PLA2R1: variants seen among roughly 807,000 people sequenced by gnomAD.
The protein encoded by PLA2R1 is secretory phospholipase A2 receptor.
A neutral mutation model predicts 195.9 loss-of-function variants in PLA2R1; 158 were observed. The observed-to-expected ratio is 0.81, with a 90% CI of 0.71 to 0.92. The LOEUF (loss-of-function observed/expected upper bound fraction) is 0.92. Ranked by LOEUF, PLA2R1 falls within the 40% of genes least tolerant of loss-of-function variation. The pLI is 0.00. For missense variants in PLA2R1, 1,626 were observed against 1,764.6 expected (o/e 0.92, Z 1.41); for synonymous variants, 586 against 598.2 (o/e 0.98, Z 0.30).
chr2:160,005,540 T>C (rs1691920734), intron 11 of PLA2R1, 112 bp downstream of exon 11: 4 of 767,364 alleles, frequency 5.2e-6, no homozygotes, highest in Non-Finnish European at 8.5e-6. Flanking sequence ...TTGTAATTGA[T>C]TTAGGCATTA....
intron 1 of PLA2R1, among the ~76,000 whole-genome samples, chr2:160,059,608 T>A (rs1038097450): frequency 5.9e-5 from 9 of 152,202 alleles, no homozygotes; most frequent in Admixed American, 1.3e-4. Context: ...AACTACTATA[T>A]AATACTGTAT....
chr2:159,968,102 T>C (rs1337971754), intron 19 of PLA2R1, among the ~76,000 whole-genome samples: 1 of 152,138 alleles, frequency 6.6e-6, no homozygotes, highest in Non-Finnish European at 1.5e-5. Flanking sequence ...TATAATAATT[T>C]AGAAAAATTA....
At chr2:160,054,413 G>C (rs1695409309) in intron 1 of PLA2R1, among the ~76,000 whole-genome samples, 1 of 152,096 alleles carries the variant, frequency 6.6e-6, no homozygotes, top group African/African-American at 2.4e-5. Flanking sequence ...GAATATGAAT[G>C]GTGCCAAAGA....
At position 159,955,945 on chromosome 2, in the gene PLA2R1, A is replaced by C. The variant is rs912598525; in HGVS notation, c.3023-117T>G. On this transcript the variant is annotated intron_variant, in intron 21 of 29. Transcript: ENST00000283243. ...TGCCAGCAAAACATAATTATGAATC[A>C]TTTATAGGAATTTGTTACTTTATCC... 1.4e-5 allele frequency: 8 copies of C among 566,340 alleles called. 1 individual carries two copies. Among genetic ancestry groups the C allele is most frequent in the Non-Finnish European group, 2.1e-5 (7 of 332,060 alleles). The allele number at this position is 566,340 out of a possible 1,614,324, so 35.1% of individuals were successfully genotyped here.
intron 1 of PLA2R1, among the ~76,000 whole-genome samples, chr2:160,046,177 G>A (rs1694855372): frequency 3.3e-5 from 5 of 152,228 alleles, no homozygotes. Context: ...TGGGCACATG[G>A]TGGAAATTCA....
At chr2:160,059,642 T>C (rs1695820931) in intron 1 of PLA2R1, among the ~76,000 whole-genome samples, 1 of 152,138 alleles carries the variant, frequency 6.6e-6, no homozygotes, top group South Asian at 2.1e-4. Flanking sequence ...AATACAGAAT[T>C]GTATTACTCC....
At chr2:159,961,784 G>A (rs370169508) in intron 20 of PLA2R1, among the ~76,000 whole-genome samples, 28 of 152,298 alleles carry the variant, frequency 1.8e-4, no homozygotes, top group African/African-American at 6.5e-4. Flanking sequence ...GGATGGAGGT[G>A]AACTGTGTGG....
At chr2:159,930,917 A>T (rs954445191), downstream of PLA2R1, among the ~76,000 whole-genome samples, 4 of 152,160 alleles carry the variant, frequency 2.6e-5, no homozygotes, top group East Asian at 7.7e-4. Flanking sequence ...ATCAAGTTCC[A>T]ATCTGACAGG....
chr2:159,983,781 A>G, intron 13 of PLA2R1, 147 bp downstream of exon 13: 1 of 498,302 alleles, frequency 2.0e-6, no homozygotes, highest in Non-Finnish European at 3.6e-6. Flanking sequence ...ATAAACATAA[A>G]ACTATATGTA....
At position 159,945,023 on chromosome 2, in the gene PLA2R1, T is replaced by A; in HGVS notation, c.4027A>T (p.Lys1343Ter). 1 of 1,613,756 alleles carries A rather than the reference T, an allele frequency of 6.2e-7. No individual in the cohort carries two copies. The highest frequency in any genetic ancestry group is 8.5e-7 in the Non-Finnish European group (1 of 1,179,796). The stretch of plus-strand genomic sequence containing the variant: ...GGCTTGAAGTAGTCTGTGTCTGGCT[T>A]CCGAATGCCCCAGTTTGACTGGTCT... ...PTDQSNWGIRKPDTDYFKPHH... is the reference protein window; with the variant it reads ...PTDQSNWGIR Residue 1343 changes from lysine to a stop codon, truncating the protein, a stop_gained, in exon 28 of 30, where the codon AAG (lysine) becomes TAG (stop). Coordinates refer to ENST00000283243, the MANE Select transcript of PLA2R1 (RefSeq NM_007366.5). LOFTEE classifies it high-confidence loss of function.
At chr2:159,986,590 T>C (rs1690356222) in intron 12 of PLA2R1, among the ~76,000 whole-genome samples, 1 of 123,740 alleles carries the variant, frequency 8.1e-6, no homozygotes, top group Non-Finnish European at 1.8e-5. Flanking sequence ...TTTTCTTTCC[T>C]TTTTTTTTTT....
In PLA2R1 at chr2:159,934,871, C is replaced by G. The variant is rs948839562; in HGVS notation, c.*6907G>C. On this transcript the variant is annotated 3_prime_UTR_variant, in exon 30 of 30. Coordinates refer to ENST00000283243, the MANE Select transcript of PLA2R1 (RefSeq NM_007366.5). ...AACCATAGACTTTATTTTACTTTCC[C>G]ATTTTCCCATAATGACCATTTTCTG... is the stretch of plus-strand genomic sequence containing the variant. The G allele has an allele frequency of 3.9e-5, 6 of 152,140 alleles. No homozygotes were observed. Among genetic ancestry groups the G allele is most frequent in the African/African-American group, 1.4e-4 (6 of 41,416 alleles). The allele number at this position is 152,140 out of a possible 1,614,324, so 9.4% of individuals were successfully genotyped here.
At chr2:160,049,684 G>C (rs1314267553) in intron 1 of PLA2R1, among the ~76,000 whole-genome samples, 4 of 152,084 alleles carry the variant, frequency 2.6e-5, no homozygotes, top group African/African-American at 9.7e-5. Flanking sequence ...AAATTAGCTG[G>C]GCGTGGTGGT....
intron 6 of PLA2R1, among the ~76,000 whole-genome samples, chr2:160,025,476 G>A (rs1450549975): frequency 6.6e-6 from 1 of 151,642 alleles, no homozygotes; most frequent in Non-Finnish European, 1.5e-5. Flanking sequence ...TTTAACTATT[G>A]GGGGTAGGGT....
chr2:159,979,925 A>C lies in PLA2R1; in HGVS notation c.2184-11T>G. 6.6e-7 allele frequency: 1 copy of C among 1,514,574 alleles called. No individual in the cohort carries two copies. The highest frequency in any genetic ancestry group is 9.1e-7 in the Non-Finnish European group (1 of 1,096,828). 93.8% of individuals were successfully genotyped at this position (1,514,574 alleles called of 1,614,324 possible). Reference sequence around the variant, plus strand: ...TGCCTTTCTTCTGTCCTGTAAAGAGAAGAAACAAAAGCTTTGCCTTTCCCA... The same window carrying C: ...TGCCTTTCTTCTGTCCTGTAAAGAGCAGAAACAAAAGCTTTGCCTTTCCCA... On this transcript the variant is annotated splice_polypyrimidine_tract_variant and intron_variant, in intron 13 of 29. Transcript: ENST00000283243.
intron 13 of PLA2R1, among the ~76,000 whole-genome samples, chr2:159,980,217 A>G (rs1257253392): frequency 6.6e-6 from 1 of 152,168 alleles, no homozygotes; most frequent in East Asian, 1.9e-4. Flanking sequence ...CTCACATTCT[A>G]TTACTCTTGG....
Position 160,005,738 on chromosome 2 carries a change from T to C in PLA2R1, c.1748A>G (p.Gln583Arg), listed in dbSNP as rs762525298. The C allele has an allele frequency of 1.9e-6, 3 of 1,613,688 alleles. No individual in the cohort carries two copies. Among genetic ancestry groups the C allele is most frequent in the Non-Finnish European group, 2.5e-6 (3 of 1,179,568 alleles). Reference protein sequence around the residue: ...DSYFWIALQDQNDTGEYTWKP... With the variant: ...DSYFWIALQDRNDTGEYTWKP... ...CCAAGTGTATTCTCCCGTATCATTT[T>C]GGTCCTGAAGAGCTATCCAAAAATA... Residue 583 changes from glutamine to arginine, a missense_variant, in exon 11 of 30, where the codon CAA becomes CGA. Transcript: ENST00000283243.
intron 1 of PLA2R1, among the ~76,000 whole-genome samples, chr2:160,053,990 C>T (rs959553911): frequency 1.3e-5 from 2 of 152,258 alleles, no homozygotes; most frequent in African/African-American, 4.8e-5. Flanking sequence ...GCACTGGTTA[C>T]ATCCCCATGA....
In PLA2R1 at chr2:159,936,284, A is replaced by C. The variant is rs1215404426; in HGVS notation, c.*5494T>G. 1 of 152,172 alleles carries C rather than the reference A, an allele frequency of 6.6e-6. No individual in the cohort carries two copies. The highest frequency in any genetic ancestry group is 1.5e-5 in the Non-Finnish European group (1 of 68,038). The allele number at this position is 152,172 out of a possible 1,614,324, so 9.4% of individuals were successfully genotyped here. A position where few individuals can be genotyped will look rare whatever the true frequency, so the allele number is the denominator to read the frequency against. The stretch of plus-strand genomic sequence containing the variant: ...TATTTTTTAAGAAGTCCCTGTGAAC[A>C]TAGGCTCTAAGTATTACACATTTTC... On this transcript the variant is annotated 3_prime_UTR_variant, in exon 30 of 30. Coordinates refer to ENST00000283243, the MANE Select transcript of PLA2R1 (RefSeq NM_007366.5).
Sources: allele counts gnomAD v4.1 joint callset (sites outside exome capture counted in the v4.1 genomes callset), GRCh38; gene constraint gnomAD v4.1.1; transcripts MANE v1.5; gene names NCBI Gene and HGNC (gene_info 2026-07-23, HGNC 2026-07-21).